Variants in MCPH1 observed in about 807,000 individuals in gnomAD.
MCPH1 encodes the protein microcephalin 1.
Under a neutral mutation model 84.5 loss-of-function variants are expected in MCPH1, and 104 were observed. The ratio of observed to expected loss-of-function variants is 1.23; its 90% CI spans 1.05 to 1.45. The LOEUF (loss-of-function observed/expected upper bound fraction) is 1.45, where lower values mean the gene tolerates loss of function less well. Among genes scored for constraint, MCPH1 ranks in the 40% most tolerant of loss-of-function variants. The pLI, the probability that MCPH1 is intolerant of heterozygous loss-of-function variation, is 0.00. For synonymous variants in MCPH1, 514 were observed against 366.8 expected, an observed-to-expected ratio of 1.40 and a Z score of -4.58; for missense variants, 1,498 against 1,005.7, an observed-to-expected ratio of 1.49 and a Z score of -6.62.
intron 4 of MCPH1, among the ~76,000 whole-genome samples, chr8:6,431,899 G>GT (rs1801897628): frequency 6.6e-6 from 1 of 152,178 alleles, no homozygotes; most frequent in Non-Finnish European, 1.5e-5. Flanking sequence ...TATATCTGTA[G>GT]CCAAAATACC....
intron 12 of MCPH1, chr8:6,563,411 A>T (rs1320266002): frequency 1.3e-5 from 2 of 154,782 alleles, no homozygotes; most frequent in African/African-American, 4.8e-5. Flanking sequence ...TCCAACCAGG[A>T]CCCATGCTGC....
At chr8:6,406,731 A>G (rs761490464) in intron 1 of MCPH1, 42 bp downstream of exon 1, 1 of 1,608,148 alleles carries the variant, frequency 6.2e-7, no homozygotes, top group South Asian at 1.1e-5. Context: ...CGGGAGTTTG[A>G]GGACCGGCAC....
chr8:6,585,992 A>G (rs938017266), intron 12 of MCPH1, among the ~76,000 whole-genome samples: 4 of 152,092 alleles, frequency 2.6e-5, no homozygotes, highest in Non-Finnish European at 4.4e-5. Context: ...CTAGGGTCTC[A>G]CTCTGTCACC....
At chr8:6,456,197 T>G (rs1032283204) in intron 9 of MCPH1, among the ~76,000 whole-genome samples, 1 of 152,178 alleles carries the variant, frequency 6.6e-6, no homozygotes, top group African/African-American at 2.4e-5. Flanking sequence ...GGAACCCTAT[T>G]TCAGGTAAAG....
At chr8:6,585,534 G>T (rs1225254543) in intron 12 of MCPH1, among the ~76,000 whole-genome samples, 1 of 152,240 alleles carries the variant, frequency 6.6e-6, no homozygotes, top group African/African-American at 2.4e-5. Flanking sequence ...GGCTTCTCCA[G>T]CCCTCCTCCC....
chr8:6,408,722 C>G (rs1352805111), intron 1 of MCPH1, among the ~76,000 whole-genome samples: 5 of 151,358 alleles, frequency 3.3e-5, no homozygotes, highest in African/African-American at 1.2e-4. Flanking sequence ...CCATTCCTGG[C>G]TAATTAAAAA....
At chr8:6,438,502 C>T (rs958137599) in intron 5 of MCPH1, among the ~76,000 whole-genome samples, 2 of 152,186 alleles carry the variant, frequency 1.3e-5, no homozygotes, top group African/African-American at 2.4e-5. Context: ...ATGCTGATCC[C>T]ACTTCATGCA....
intron 12 of MCPH1, among the ~76,000 whole-genome samples, chr8:6,555,348 G>A (rs3020230): frequency 0.13 from 20,060 of 152,010 alleles, 3,646 homozygotes; most frequent in African/African-American, 0.41. Flanking sequence ...GAAATCCAGC[G>A]TTTCCCCCTG....
intron 4 of MCPH1, among the ~76,000 whole-genome samples, chr8:6,432,057 A>G (rs1049011871): frequency 4.6e-5 from 7 of 152,364 alleles, no homozygotes; most frequent in African/African-American, 1.7e-4. Context: ...ACAGATAACA[A>G]AATCCACTGA....
At chr8:6,538,134 T>C (rs1214284521) in intron 12 of MCPH1, among the ~76,000 whole-genome samples, 1 of 152,086 alleles carries the variant, frequency 6.6e-6, no homozygotes, top group African/African-American at 2.4e-5. Context: ...GATCCATCCA[T>C]CTTCCCACCC....
intron 12 of MCPH1, among the ~76,000 whole-genome samples, chr8:6,579,300 C>T (rs571912341): frequency 6.6e-6 from 1 of 152,204 alleles, no homozygotes; most frequent in Non-Finnish European, 1.5e-5. Context: ...TTCCCGGTCC[C>T]CTTCTCCTCC....
At chr8:6,624,396 G>T (rs1347904232) in intron 13 of MCPH1, among the ~76,000 whole-genome samples, 2 of 152,210 alleles carry the variant, frequency 1.3e-5, no homozygotes, top group African/African-American at 4.8e-5. Context: ...CCAGACCCCA[G>T]TGTAGTGGGC....
At chr8:6,486,848 G>C in intron 11 of MCPH1, among the ~76,000 whole-genome samples, 1 of 152,194 alleles carries the variant, frequency 6.6e-6, no homozygotes, top group African/African-American at 2.4e-5. Context: ...GTTATGTGTT[G>C]TTCAAGCATA....
At chr8:6,579,399 C>T (rs938610731) in intron 12 of MCPH1, among the ~76,000 whole-genome samples, 8 of 152,200 alleles carry the variant, frequency 5.3e-5, no homozygotes, top group Non-Finnish European at 1.0e-4. Flanking sequence ...CAGCCCTCCG[C>T]TCGGTCTCAC....
chr8:6,412,821 TGAGA>T (rs371285788), intron 2 of MCPH1, among the ~76,000 whole-genome samples: 27 of 151,502 alleles, frequency 1.8e-4, no homozygotes, highest in African/African-American at 5.8e-4. Flanking sequence ...GTGTGGAAAT[TGAGA>T]GAGAGAGAGA....
At chr8:6,603,032 C>T (rs2129578400) in intron 12 of MCPH1, among the ~76,000 whole-genome samples, 1 of 151,992 alleles carries the variant, frequency 6.6e-6, no homozygotes, top group South Asian at 2.1e-4. Flanking sequence ...GCATCAGTCT[C>T]CTGACGTCAT....
At chr8:6,451,933 G>C (rs1805137926) in intron 8 of MCPH1, among the ~76,000 whole-genome samples, 1 of 152,212 alleles carries the variant, frequency 6.6e-6, no homozygotes, top group Non-Finnish European at 1.5e-5. Context: ...GTTTAAATGT[G>C]TTATTAATAT....
At chr8:6,416,897 G>C (rs963182832) in intron 3 of MCPH1, among the ~76,000 whole-genome samples, 10 of 152,018 alleles carry the variant, frequency 6.6e-5, no homozygotes, top group Admixed American at 5.9e-4. Flanking sequence ...GGGAGATTGA[G>C]ACAGGAGAAT....
intron 12 of MCPH1, among the ~76,000 whole-genome samples, chr8:6,551,505 C>T (rs1225539012): frequency 6.6e-6 from 1 of 152,208 alleles, no homozygotes; most frequent in Non-Finnish European, 1.5e-5. Flanking sequence ...CAAAATTTCA[C>T]ATCACAAAAT....
Sources: gnomAD v4.1 joint callset for allele counts (sites outside exome capture counted in the v4.1 genomes callset) on GRCh38, gnomAD v4.1.1 for gene constraint, MANE v1.5 for transcripts, NCBI Gene and HGNC (gene_info 2026-07-23, HGNC 2026-07-21) for gene names.